The following HERC3 variants were observed in gnomAD, a reference collection of about 807,000 sequenced individuals.
HERC3 encodes probable E3 ubiquitin-protein ligase HERC3.
A neutral mutation model predicts 129.9 loss-of-function variants in HERC3; 58 were observed. The ratio of observed to expected loss-of-function variants is 0.45; its 90% CI spans 0.36 to 0.56. The LOEUF (loss-of-function observed/expected upper bound fraction) is 0.56, where lower values mean the gene tolerates loss of function less well. HERC3 is among the 20% of genes least tolerant of loss of function. The pLI is 0.00. For missense variants in HERC3, 835 were observed against 1,244.2 expected, an observed-to-expected ratio of 0.67 and a Z score of 4.95; for synonymous variants, 430 against 451.0, an observed-to-expected ratio of 0.95 and a Z score of 0.59.
intron 20 of HERC3, chr4:88,680,852 G>T (rs1732700139): frequency 5.5e-6 from 1 of 180,288 alleles, no homozygotes; most frequent in Non-Finnish European, 1.1e-5. Flanking sequence ...TGTAGCCAGT[G>T]GCTACCATAT....
At chr4:88,611,412 T>C (rs1724307546) in intron 3 of HERC3, among the ~76,000 whole-genome samples, 1 of 152,178 alleles carries the variant, frequency 6.6e-6, no homozygotes, top group Non-Finnish European at 1.5e-5. Context: ...CTGTTGGTCT[T>C]GGCCCACAGG....
the HERC3 span, among the ~76,000 whole-genome samples, chr4:88,579,116 C>G: frequency 6.6e-6 from 1 of 151,942 alleles, no homozygotes; most frequent in Non-Finnish European, 1.5e-5. Flanking sequence ...GGCGCAGTGG[C>G]TCATGCCTAT....
the HERC3 span, among the ~76,000 whole-genome samples, chr4:88,528,812 A>C: frequency 6.6e-6 from 1 of 152,198 alleles, no homozygotes; most frequent in Non-Finnish European, 1.5e-5. Context: ...AATCACATGC[A>C]CAAGACTTCC....
the HERC3 span, among the ~76,000 whole-genome samples, chr4:88,528,491 A>G: frequency 2.0e-5 from 3 of 152,288 alleles, no homozygotes; most frequent in East Asian, 5.8e-4. Context: ...GAGTGGGCCC[A>G]GGATATGAAG....
intron 1 of HERC3, chr4:88,593,482 C>T (rs1721983179): frequency 6.6e-6 from 1 of 152,208 alleles, no homozygotes; most frequent in East Asian, 1.9e-4. Flanking sequence ...GCAGCATGAG[C>T]TCCAGGGAAT....
At chr4:88,633,234 G>A (rs913563342) in intron 3 of HERC3, among the ~76,000 whole-genome samples, 1 of 152,100 alleles carries the variant, frequency 6.6e-6, no homozygotes, top group African/African-American at 2.4e-5. Flanking sequence ...GCAAAATGAA[G>A]TTTTTCAGAC....
the HERC3 span, among the ~76,000 whole-genome samples, chr4:88,567,791 C>T: frequency 1.6e-4 from 24 of 152,150 alleles, no homozygotes; most frequent in African/African-American, 5.8e-4. Context: ...AGATTGGTCA[C>T]TGGTGCCTTA....
intron 21 of HERC3, among the ~76,000 whole-genome samples, chr4:88,686,268 A>G (rs551852018): frequency 2.0e-5 from 3 of 152,340 alleles, no homozygotes; most frequent in East Asian, 1.9e-4. Flanking sequence ...AGACTTCTGC[A>G]TTAACAAGTA....
chr4:88,558,885 G>A, the HERC3 span, among the ~76,000 whole-genome samples: 1 of 151,182 alleles, frequency 6.6e-6, no homozygotes, highest in Non-Finnish European at 1.5e-5. Context: ...GAAGAATGGC[G>A]TGAACCCAGG....
chr4:88,665,411 A>G (rs1421442161), intron 12 of HERC3, among the ~76,000 whole-genome samples: 1 of 152,202 alleles, frequency 6.6e-6, no homozygotes, highest in African/African-American at 2.4e-5. Flanking sequence ...AAGACCACAG[A>G]ACCTGGAGTT....
intron 1 of HERC3, among the ~76,000 whole-genome samples, chr4:88,592,814 G>A (rs1035901351): frequency 6.6e-6 from 1 of 151,844 alleles, no homozygotes; most frequent in African/African-American, 2.4e-5. Flanking sequence ...TGGCGTTCTC[G>A]TGGGCTCGCC....
chr4:88,622,431 T>C (rs1578186182), intron 3 of HERC3, among the ~76,000 whole-genome samples: 2 of 152,190 alleles, frequency 1.3e-5, no homozygotes, highest in Admixed American at 6.5e-5. Context: ...TTATGAATAA[T>C]GCTGCTGTGA....
the HERC3 span, among the ~76,000 whole-genome samples, chr4:88,543,811 A>C: frequency 2.0e-5 from 3 of 152,154 alleles, no homozygotes; most frequent in Non-Finnish European, 4.4e-5. Flanking sequence ...CAAAAACAAG[A>C]AATGGGGGAA....
At chr4:88,596,235 T>C (rs923674777) in intron 2 of HERC3, among the ~76,000 whole-genome samples, 1 of 152,212 alleles carries the variant, frequency 6.6e-6, no homozygotes, top group East Asian at 1.9e-4. Context: ...GTAAGTCTTT[T>C]GCTTAGAGGT....
chr4:88,579,388 T>C, the HERC3 span, among the ~76,000 whole-genome samples: 2 of 151,768 alleles, frequency 1.3e-5, no homozygotes, highest in Non-Finnish European at 1.5e-5. Context: ...GCCTGGGCGA[T>C]AGAGTGAGAT....
chr4:88,594,108 G>A (rs1181526463), intron 1 of HERC3, among the ~76,000 whole-genome samples: 1 of 152,192 alleles, frequency 6.6e-6, no homozygotes, highest in Non-Finnish European at 1.5e-5. Context: ...ATTAGCACTA[G>A]CATCCAGTTC....
At chr4:88,695,176 A>T (rs1208425165) in intron 23 of HERC3, among the ~76,000 whole-genome samples, 1 of 152,162 alleles carries the variant, frequency 6.6e-6, no homozygotes, top group Non-Finnish European at 1.5e-5. Context: ...GTAACGTATT[A>T]TTCTGATTTT....
At chr4:88,664,600 C>T (rs552403899) in intron 12 of HERC3, among the ~76,000 whole-genome samples, 2 of 152,068 alleles carry the variant, frequency 1.3e-5, no homozygotes, top group East Asian at 1.9e-4. Context: ...AGCAGATTAC[C>T]GAGAGAGACT....
the HERC3 span, among the ~76,000 whole-genome samples, chr4:88,582,233 A>AT: frequency 2.0e-5 from 3 of 151,988 alleles, no homozygotes; most frequent in Non-Finnish European, 2.9e-5. Flanking sequence ...TTTAAAAAAA[A>AT]TTTTTTTTAA....
Sources: gnomAD v4.1 joint callset for allele counts (sites outside exome capture counted in the v4.1 genomes callset) on GRCh38, gnomAD v4.1.1 for gene constraint, MANE v1.5 for transcripts, NCBI Gene and HGNC (gene_info 2026-07-23, HGNC 2026-07-21) for gene names.